The following SEMA6D variants were observed in gnomAD, a reference collection of about 807,000 sequenced individuals.
The protein encoded by SEMA6D is semaphorin 6D, also known as semaphorin-6D.
Under a neutral mutation model 106.6 loss-of-function variants are expected in SEMA6D, and 35 were observed. That is an observed-to-expected ratio of 0.33 (90% confidence interval 0.25 to 0.44). The LOEUF (loss-of-function observed/expected upper bound fraction) is 0.44. Ranked by LOEUF, SEMA6D falls within the 20% of genes least tolerant of loss-of-function variation. The pLI is 1.00. For synonymous variants in SEMA6D, 499 were observed against 487.7 expected, an observed-to-expected ratio of 1.02 and a Z score of -0.31; for missense variants, 1,185 against 1,345.9, an observed-to-expected ratio of 0.88 and a Z score of 1.87.
chr15:47,248,350 A>G (rs2033316269), intron 1 of SEMA6D, among the ~76,000 whole-genome samples: 1 of 152,234 alleles, frequency 6.6e-6, no homozygotes, highest in African/African-American at 2.4e-5. Flanking sequence ...ATTAACGTGA[A>G]GAAAACACTC....
chr15:47,324,054 A>G (rs2037032002), intron 1 of SEMA6D, among the ~76,000 whole-genome samples: 1 of 151,566 alleles, frequency 6.6e-6, no homozygotes, highest in African/African-American at 2.4e-5. Context: ...GGCACCTAAG[A>G]AGAAAGCTCA....
Position 47,767,108 on chromosome 15 carries a change from AT to A in SEMA6D, c.1765+22del. On this transcript the variant is annotated intron_variant, in intron 17 of 18. Coordinates refer to ENST00000536845, the MANE Select transcript of SEMA6D (RefSeq NM_001358351.3). ...TCCAACATCTGGTTAGTTTTTTTTA[AT>A]TTTTTTGAATTAACAACCTTTTCTT... is the stretch of plus-strand genomic sequence containing the variant. The A allele has an allele frequency of 2.5e-5, 38 of 1,511,402 alleles. No individual in the cohort carries two copies. Among genetic ancestry groups the A allele is most frequent in the Admixed American group, 5.5e-5 (3 of 54,518 alleles). The allele number at this position is 1,511,402 out of a possible 1,614,324, so 93.6% of individuals were successfully genotyped here.
At chr15:47,643,004 G>A (rs570566545) in intron 4 of SEMA6D, among the ~76,000 whole-genome samples, 3 of 152,204 alleles carry the variant, frequency 2.0e-5, no homozygotes, top group Admixed American at 2.0e-4. Flanking sequence ...AATAGGGAGA[G>A]AGAGAGAGAC....
At chr15:47,222,971 C>T (rs1433263186) in intron 1 of SEMA6D, among the ~76,000 whole-genome samples, 4 of 152,146 alleles carry the variant, frequency 2.6e-5, no homozygotes, top group Non-Finnish European at 5.9e-5. Flanking sequence ...CTGAAGGAAA[C>T]TTAAGGACAG....
intron 1 of SEMA6D, among the ~76,000 whole-genome samples, chr15:47,388,848 C>T (rs577212743): frequency 2.6e-5 from 4 of 152,244 alleles, no homozygotes; most frequent in South Asian, 2.1e-4. Flanking sequence ...ATGGGTTAGA[C>T]ATTTGGCTCC....
chr15:47,408,723 G>A (rs1009234797), intron 1 of SEMA6D, among the ~76,000 whole-genome samples: 5 of 152,226 alleles, frequency 3.3e-5, no homozygotes, highest in Admixed American at 2.6e-4. Flanking sequence ...GCCTGATGCT[G>A]TTAGGTTTAA....
chr15:47,433,291 G>A (rs931329034), intron 2 of SEMA6D, among the ~76,000 whole-genome samples: 11 of 151,898 alleles, frequency 7.2e-5, no homozygotes, highest in African/African-American at 2.4e-4. Context: ...ATAAAAGGTT[G>A]TACATTTATT....
chr15:47,320,201 C>CT (rs1209846024), intron 1 of SEMA6D, among the ~76,000 whole-genome samples: 1 of 152,134 alleles, frequency 6.6e-6, no homozygotes, highest in East Asian at 1.9e-4. Context: ...CAGTGGATAT[C>CT]TCTGTAGGGA....
In SEMA6D at chr15:47,646,285, G is replaced by A. The variant is rs957814809; in HGVS notation, c.-55+45389G>A. ...TACTCTGCTGATTTCAACGGTTTTA[G>A]AAGCCGTATGCCAGGAAACTTACCA... On this transcript the variant is annotated intron_variant, in intron 4 of 19. Transcript: ENST00000558014. 5.3e-5 allele frequency among the ~76,000 whole-genome samples: 8 copies of A among 152,148 alleles called. No homozygotes were observed. In the East Asian group the frequency reaches 5.8e-4, roughly 11 times the overall value.
intron 1 of SEMA6D, among the ~76,000 whole-genome samples, chr15:47,311,377 C>T (rs1368479761): frequency 6.6e-6 from 1 of 152,062 alleles, no homozygotes; most frequent in Admixed American, 6.5e-5. Context: ...TTTTAATACC[C>T]TTATTTGTCA....
At chr15:47,504,866 C>T (rs1797223) in intron 3 of SEMA6D, among the ~76,000 whole-genome samples, 4 of 152,118 alleles carry the variant, frequency 2.6e-5, no homozygotes, top group African/African-American at 9.7e-5. Flanking sequence ...CGGGAATCAT[C>T]TCCATAGTGT....
At chr15:47,209,204 AT>A (rs1475719041) in intron 1 of SEMA6D, among the ~76,000 whole-genome samples, 4 of 152,244 alleles carry the variant, frequency 2.6e-5, no homozygotes, top group African/African-American at 9.6e-5. Context: ...AAATATTTCC[AT>A]GATAATAAAA....
At chr15:47,665,041 C>T (rs930231557) in intron 4 of SEMA6D, among the ~76,000 whole-genome samples, 7 of 152,136 alleles carry the variant, frequency 4.6e-5, no homozygotes, top group Non-Finnish European at 7.3e-5. Flanking sequence ...AGAAGATCCT[C>T]TTTTATATTT....
intron 2 of SEMA6D, among the ~76,000 whole-genome samples, chr15:47,453,488 A>C (rs2042253362): frequency 6.6e-6 from 1 of 152,022 alleles, no homozygotes; most frequent in African/African-American, 2.4e-5. Context: ...AAAATATCTG[A>C]GTTCATTATG....
chr15:47,600,845 C>T (rs913527592), intron 3 of SEMA6D: 1 of 152,076 alleles, frequency 6.6e-6, no homozygotes, highest in Admixed American at 6.6e-5. Context: ...ATCCATTTCT[C>T]TTTTCTTTTC....
intron 1 of SEMA6D, among the ~76,000 whole-genome samples, chr15:47,260,736 G>A (rs2034034342): frequency 6.6e-6 from 1 of 152,122 alleles, no homozygotes; most frequent in Admixed American, 6.6e-5. Context: ...ATTTCTTGGA[G>A]GGGAGGGATG....
intron 3 of SEMA6D, among the ~76,000 whole-genome samples, chr15:47,554,407 T>C (rs1744459408): frequency 6.6e-6 from 1 of 152,202 alleles, no homozygotes; most frequent in Non-Finnish European, 1.5e-5. Context: ...AGTACAGTGC[T>C]ACAGACCCAA....
At chr15:47,442,320 C>T (rs562743737) in intron 2 of SEMA6D, among the ~76,000 whole-genome samples, 2 of 152,188 alleles carry the variant, frequency 1.3e-5, no homozygotes, top group South Asian at 4.1e-4. Context: ...TATAACCACC[C>T]TTGAGAAAGA....
At chr15:47,469,301 TG>T (rs1257510212) in intron 2 of SEMA6D, among the ~76,000 whole-genome samples, 4 of 147,042 alleles carry the variant, frequency 2.7e-5, no homozygotes, top group Non-Finnish European at 6.0e-5. Flanking sequence ...TGCTTTAAGG[TG>T]TGTGTGTGTG....
Sources: gnomAD v4.1 joint callset for allele counts (sites outside exome capture counted in the v4.1 genomes callset) on GRCh38, gnomAD v4.1.1 for gene constraint, MANE v1.5 for transcripts, NCBI Gene and HGNC (gene_info 2026-07-23, HGNC 2026-07-21) for gene names.